POGK: variants seen among roughly 807,000 people sequenced by gnomAD.
The protein encoded by POGK is pogo transposable element with KRAB domain.
POGK carries 16 observed loss-of-function variants against 54.4 expected under a neutral mutation model. The ratio of observed to expected loss-of-function variants is 0.29; its 90% CI spans 0.20 to 0.45. The LOEUF (loss-of-function observed/expected upper bound fraction) is 0.45. Ranked by LOEUF, POGK falls within the 20% of genes least tolerant of loss-of-function variation. The probability of loss-of-function intolerance (pLI) is 1.00; values close to 1 mark genes in which losing one functional copy is unlikely to be tolerated. For synonymous variants in POGK, 271 were observed against 302.2 expected (o/e 0.90, Z 1.07); for missense variants, 515 against 795.6 (o/e 0.65, Z 4.24).
Position 166,841,129 on chromosome 1 carries a change from A to G in POGK, c.132+41A>G, listed in dbSNP as rs759232609. The G allele has an allele frequency of 3.1e-6, 5 of 1,605,446 alleles. No individual in the cohort carries two copies. The African/African-American group carries it at 5.4e-5, about 17-fold the overall frequency. ...TGGAGTCCACACAGCCAGCAGATGC[A>G]GGCCTGAGAGCCCAGCTTGCTTTAA... On this transcript the variant is annotated intron_variant, in intron 2 of 5. Coordinates refer to ENST00000367876, the MANE Select transcript of POGK (RefSeq NM_017542.5).
At position 166,849,273 on chromosome 1, in the gene POGK, C is replaced by A; in HGVS notation, c.694C>A (p.Arg232=). Residue 232 remains arginine, a synonymous_variant, in exon 5 of 6, where the codon CGA becomes AGA. Coordinates refer to ENST00000367876, the MANE Select transcript of POGK (RefSeq NM_017542.5). ...KQFGVLEKNV[R]DWRKVKPQLQ... is the part of the protein sequence containing the mutation. ...GTTTGGAGTATTGGAAAAAAACGTT[C>A]GAGACTGGCGCAAAGTGAAGCCACA... 1.2e-6 allele frequency: 2 copies of A among 1,614,210 alleles called. No homozygotes were observed. Among genetic ancestry groups the A allele is most frequent in the Non-Finnish European group, 1.7e-6 (2 of 1,180,048 alleles).
At chr1:166,844,248 C>T (rs1657738044) in intron 2 of POGK, among the ~76,000 whole-genome samples, 2 of 152,212 alleles carry the variant, frequency 1.3e-5, no homozygotes, top group South Asian at 2.1e-4. Flanking sequence ...AATATGTTAC[C>T]CCCCCTAAGA....
chr1:166,848,703 A>G (rs1657937656), intron 4 of POGK, among the ~76,000 whole-genome samples: 1 of 152,122 alleles, frequency 6.6e-6, no homozygotes, highest in Non-Finnish European at 1.5e-5. Context: ...CCCCTTCTTC[A>G]TCTGCAAAGA....
chr1:166,850,103 C>A lies in POGK; in HGVS notation c.1524C>A (p.Val508=). The part of the protein sequence containing the change: ...GLTSQLQVLD[V]VVYKPLNDSV... Reference sequence around the variant, plus strand: ...CCTCACAGCTTCAGGTGCTGGATGTCGTGGTCTACAAGCCACTGAATGACA... The same window carrying A: ...CCTCACAGCTTCAGGTGCTGGATGTAGTGGTCTACAAGCCACTGAATGACA... The change falls in exon 5 of 6, where the codon GTC becomes GTA. Residue 508 remains valine (V), a synonymous_variant. Coordinates refer to ENST00000367876, the MANE Select transcript of POGK (RefSeq NM_017542.5). 2 of 1,605,798 alleles carry A rather than the reference C, an allele frequency of 1.2e-6. No homozygotes were observed. Among genetic ancestry groups the A allele is most frequent in the Non-Finnish European group, 1.7e-6 (2 of 1,176,370 alleles).
intron 2 of POGK, among the ~76,000 whole-genome samples, chr1:166,842,843 CCA>C (rs144652304): frequency 4.6e-5 from 7 of 150,830 alleles, no homozygotes; most frequent in Admixed American, 1.3e-4. Context: ...CCCCCCACCA[CCA>C]CACACACACA....
chr1:166,846,747 G>T lies in POGK; in HGVS notation c.259+9G>T. The T allele has an allele frequency of 1.2e-6, 2 of 1,614,014 alleles. No homozygotes were observed. The highest frequency in any genetic ancestry group is 1.7e-6 in the Non-Finnish European group (2 of 1,179,898). ...AACTGTCCTGTCCCTGGGTAAAGCT[G>T]TGTTTTCCTTTGTCTCCTGGAAGCT... On this transcript the variant is annotated intron_variant, in intron 3 of 5. Transcript: ENST00000367876.
rs1187837309 is a variant in POGK at position 166,854,273 on chromosome 1, G to GT, written c.*1704dup. 12 of 152,712 alleles carry GT rather than the reference G, an allele frequency of 7.9e-5. No individual in the cohort carries two copies. The highest frequency in any genetic ancestry group is 2.1e-4 in the South Asian group (1 of 4,820). 9.5% of individuals were successfully genotyped at this position (152,712 alleles called of 1,614,324 possible). A position where few individuals can be genotyped will look rare whatever the true frequency, so the allele number is the denominator to read the frequency against. The stretch of plus-strand genomic sequence containing the variant: ...TGCATAGCACTGGAACTTTCCTAGA[G>GT]TAACGGCTCTGCTGCCAGGGTTTCT... On this transcript the variant is annotated 3_prime_UTR_variant, in exon 6 of 6. Coordinates refer to ENST00000367876, the MANE Select transcript of POGK (RefSeq NM_017542.5).
rs1023354176 is a variant in POGK at position 166,855,067 on chromosome 1, T to G, written c.*2497T>G. 6 of 150,814 alleles carry G rather than the reference T, an allele frequency of 4.0e-5. No individual in the cohort carries two copies. Among genetic ancestry groups the G allele is most frequent in the African/African-American group, 1.0e-4 (4 of 40,128 alleles). 9.3% of individuals were successfully genotyped at this position (150,814 alleles called of 1,614,324 possible). A position where few individuals can be genotyped will look rare whatever the true frequency, so the allele number is the denominator to read the frequency against. ...TTCAGGCAATGGAAAGGAAAAGTGT[T>G]TGTCCTTGGTTGATCAGAGAAGTGG... On this transcript the variant is annotated 3_prime_UTR_variant, in exon 6 of 6. Coordinates refer to ENST00000367876, the MANE Select transcript of POGK (RefSeq NM_017542.5).
At chr1:166,842,277 G>A (rs769167203) in intron 2 of POGK, among the ~76,000 whole-genome samples, 3 of 152,234 alleles carry the variant, frequency 2.0e-5, no homozygotes, top group Admixed American at 6.5e-5. Flanking sequence ...TGAGGAAGGA[G>A]CAAGATGAAG....
rs948962630 is a variant in POGK, at chr1:166,855,793, G to A, written c.*3223G>A. 6.6e-6 allele frequency: 1 copy of A among 152,224 alleles called. No homozygotes were observed. The highest frequency in any genetic ancestry group is 2.4e-5 in the African/African-American group (1 of 41,448). The allele number at this position is 152,224 out of a possible 1,614,324, so 9.4% of individuals were successfully genotyped here. A position where few individuals can be genotyped will look rare whatever the true frequency, so the allele number is the denominator to read the frequency against. On this transcript the variant is annotated 3_prime_UTR_variant, in exon 6 of 6. Coordinates refer to ENST00000367876, the MANE Select transcript of POGK (RefSeq NM_017542.5). Reference sequence around the variant, plus strand: ...GCAGTGGGCAGCAGGACACGGTCAAGGCTCCTAGCTGCCTCTCCATCTATG... The same window carrying A: ...GCAGTGGGCAGCAGGACACGGTCAAAGCTCCTAGCTGCCTCTCCATCTATG...
chr1:166,850,489 C>T (rs1339543323), intron 5 of POGK, 66 bp downstream of exon 5: 9 of 1,479,904 alleles, frequency 6.1e-6, no homozygotes, highest in Non-Finnish European at 8.1e-6. Context: ...AACACCTTCT[C>T]TCCATTATTT....
At position 166,850,037 on chromosome 1, in the gene POGK, A is replaced by T. The variant is rs1486830166; in HGVS notation, c.1458A>T (p.Glu486Asp). 6.2e-7 allele frequency: 1 copy of T among 1,614,198 alleles called. No individual in the cohort carries two copies. Among genetic ancestry groups the T allele is most frequent in the Non-Finnish European group, 8.5e-7 (1 of 1,180,024 alleles). ...CAGATTCCGTGAAGAACTCCATGGA[A>T]AGCATGAACACTGACATGGTGATCA... The part of the protein sequence containing the change: ...HATDSVKNSM[E>D]SMNTDMVIIP... The change falls in exon 5 of 6, where the codon GAA becomes GAT. Residue 486 changes from glutamate to aspartate, a missense_variant. Glu to Asp is a conservative substitution (Grantham distance 45). This residue lies in a region of POGK where 461 missense variants were observed against 743.5 expected (regional missense o/e 0.62). Coordinates refer to ENST00000367876, the MANE Select transcript of POGK (RefSeq NM_017542.5).
At chr1:166,840,748 A>G (rs1420280744) in intron 1 of POGK, among the ~76,000 whole-genome samples, 6 of 152,342 alleles carry the variant, frequency 3.9e-5, no homozygotes, top group Admixed American at 1.3e-4. Context: ...GAAGGCAGCC[A>G]GATACGTTAT....
At chr1:166,841,888 A>G (rs769661553) in intron 2 of POGK, among the ~76,000 whole-genome samples, 1 of 152,168 alleles carries the variant, frequency 6.6e-6, no homozygotes, top group Non-Finnish European at 1.5e-5. Flanking sequence ...CAGAAAGATT[A>G]TCTGCCTTGC....
chr1:166,851,812 TTTTC>T (rs1396290105), intron 5 of POGK: 3 of 152,356 alleles, frequency 2.0e-5, no homozygotes, highest in South Asian at 2.1e-4. Flanking sequence ...CACACATTCT[TTTTC>T]TTTCTTTTAA....
chr1:166,848,863 T>G, intron 4 of POGK, 75 bp from the exon 5 acceptor site: 2 of 1,497,506 alleles, frequency 1.3e-6, no homozygotes, highest in South Asian at 2.7e-5. Flanking sequence ...TCTTAGCATT[T>G]CAACCCCCAA....
At chr1:166,840,887 C>T in intron 1 of POGK, 68 bp from the exon 2 acceptor site, 2 of 1,588,020 alleles carry the variant, frequency 1.3e-6, no homozygotes, top group East Asian at 2.2e-5. Context: ...GGCTCAGCCT[C>T]CCCCATCATA....
rs770826223 is a variant in POGK, at chr1:166,850,175, G to A, written c.1596G>A (p.Ala532=). ...YSNWLLAGNL[A]LSPTGNAKKP... The stretch of plus-strand genomic sequence containing the variant: ...ACTGGCTTCTGGCTGGGAACCTGGC[G>A]CTGAGCCCAACCGGGAATGCTAAGA... The change falls in exon 5 of 6, where the codon GCG becomes GCA. Residue 532 remains alanine (A), a synonymous_variant. Transcript: ENST00000367876. 3.3e-5 allele frequency: 51 copies of A among 1,559,614 alleles called. No individual in the cohort carries two copies. The East Asian group carries it at 5.5e-4, about 17-fold the overall frequency.
Position 166,856,311 on chromosome 1 carries a change from G to T in POGK, c.*3741G>T, listed in dbSNP as rs987522890. 1.4e-4 allele frequency: 21 copies of T among 150,100 alleles called. No homozygotes were observed. The highest frequency in any genetic ancestry group is 5.2e-4 in the African/African-American group (21 of 40,766). 9.3% of individuals were successfully genotyped at this position (150,100 alleles called of 1,614,324 possible). ...ATCACACCACAGCACTCCAGCTGGG[G>T]TGACAGAGTGAGACCCTATCTCAAA... On this transcript the variant is annotated 3_prime_UTR_variant, in exon 6 of 6. Coordinates refer to ENST00000367876, the MANE Select transcript of POGK (RefSeq NM_017542.5).
Sources: allele counts gnomAD v4.1 joint callset (sites outside exome capture counted in the v4.1 genomes callset), GRCh38; gene constraint gnomAD v4.1.1; regional missense constraint gnomAD v4.1.1; transcripts MANE v1.5; gene names NCBI Gene and HGNC (gene_info 2026-07-23, HGNC 2026-07-21).